FTO: variants seen among roughly 807,000 people sequenced by gnomAD.
FTO encodes the protein alpha-ketoglutarate-dependent dioxygenase FTO.
In FTO, 47 loss-of-function variants were observed where a neutral mutation model predicts 63.9. The ratio of observed to expected loss-of-function variants is 0.74; its 90% CI spans 0.58 to 0.94. The LOEUF (loss-of-function observed/expected upper bound fraction) is 0.94, where lower values mean the gene tolerates loss of function less well. Ranked by LOEUF, FTO falls within the 40% of genes least tolerant of loss-of-function variation. The pLI, the probability that FTO is intolerant of heterozygous loss-of-function variation, is 0.00. For missense variants in FTO, 562 were observed against 618.1 expected, an observed-to-expected ratio of 0.91 and a Z score of 0.96; for synonymous variants, 207 against 224.4, an observed-to-expected ratio of 0.92 and a Z score of 0.69.
chr16:54,073,155 G>A (rs769483628), intron 8 of FTO, among the ~76,000 whole-genome samples: 11 of 152,136 alleles, frequency 7.2e-5, no homozygotes, highest in South Asian at 2.1e-4. Flanking sequence ...GTCCTGTTGC[G>A]TCCCTATTCA....
intron 7 of FTO, among the ~76,000 whole-genome samples, chr16:53,897,020 A>G (rs768944611): frequency 1.3e-5 from 2 of 152,204 alleles, no homozygotes; most frequent in African/African-American, 2.4e-5. Context: ...TTATGGTAAC[A>G]TAACCACCAT....
intron 8 of FTO, among the ~76,000 whole-genome samples, chr16:53,946,069 TGGA>T (rs1357627884): frequency 1.3e-5 from 2 of 152,098 alleles, no homozygotes; most frequent in African/African-American, 4.8e-5. Context: ...GAAGTCATGG[TGGA>T]GGAGGATGGG....
At chr16:54,051,709 C>T (rs2085316615) in intron 8 of FTO, among the ~76,000 whole-genome samples, 1 of 152,140 alleles carries the variant, frequency 6.6e-6, no homozygotes, top group African/African-American at 2.4e-5. Flanking sequence ...TTAAAATCAC[C>T]CTTTATATCA....
chr16:53,781,443 C>G (rs530440305), intron 1 of FTO, among the ~76,000 whole-genome samples: 4 of 152,286 alleles, frequency 2.6e-5, no homozygotes, highest in Admixed American at 2.6e-4. Context: ...AGGCCACAGG[C>G]AAGTTAGGAA....
chr16:53,963,114 G>A (rs1664717395), intron 8 of FTO, among the ~76,000 whole-genome samples: 2 of 152,278 alleles, frequency 1.3e-5, no homozygotes, highest in South Asian at 4.1e-4. Context: ...CTTGTTCCCA[G>A]CGGTCCTTCA....
chr16:54,083,282 C>A (rs886340924), intron 8 of FTO, among the ~76,000 whole-genome samples: 2 of 152,186 alleles, frequency 1.3e-5, no homozygotes, highest in Non-Finnish European at 2.9e-5. Flanking sequence ...CACCTCCCCC[C>A]ATTTTATTAT....
intron 7 of FTO, among the ~76,000 whole-genome samples, chr16:53,930,445 G>A (rs557239977): frequency 2.6e-5 from 4 of 151,760 alleles, no homozygotes; most frequent in Admixed American, 1.3e-4. Context: ...GGATGGTCTC[G>A]ATCTCCTGAT....
At chr16:54,026,681 T>G (rs2084721423) in intron 8 of FTO, among the ~76,000 whole-genome samples, 1 of 152,130 alleles carries the variant, frequency 6.6e-6, no homozygotes, top group African/African-American at 2.4e-5. Flanking sequence ...GCCCTTGATG[T>G]TGGCCAGTAT....
At chr16:53,745,371 A>G (rs1475614431) in intron 1 of FTO, among the ~76,000 whole-genome samples, 1 of 152,202 alleles carries the variant, frequency 6.6e-6, no homozygotes, top group Non-Finnish European at 1.5e-5. Flanking sequence ...ACCTTCTGCA[A>G]TTCTTCTGGG....
intron 8 of FTO, among the ~76,000 whole-genome samples, chr16:53,943,181 T>C (rs2082573112): frequency 6.6e-6 from 1 of 152,200 alleles, no homozygotes; most frequent in Non-Finnish European, 1.5e-5. Context: ...AATTGAAACA[T>C]TGTATAAATT....
At chr16:54,106,914 A>G (rs1194977180) in intron 8 of FTO, among the ~76,000 whole-genome samples, 1 of 141,908 alleles carries the variant, frequency 7.0e-6, no homozygotes, top group Non-Finnish European at 1.5e-5. Context: ...TACACGATAT[A>G]TAATATATTA....
chr16:53,795,503 C>T (rs911011838), intron 1 of FTO, among the ~76,000 whole-genome samples: 4 of 151,994 alleles, frequency 2.6e-5, no homozygotes, highest in African/African-American at 7.3e-5. Context: ...CAGATTCTCG[C>T]GATGTTGCCC....
Position 53,826,012 on chromosome 16 carries a change from T to C in FTO, c.272T>C (p.Leu91Pro). 2.5e-6 allele frequency: 4 copies of C among 1,614,176 alleles called. No homozygotes were observed. Among genetic ancestry groups the C allele is most frequent in the Non-Finnish European group, 2.5e-6 (3 of 1,180,038 alleles). The stretch of plus-strand genomic sequence containing the variant: ...GTTAGGATCCAAGGCAAAGATCTGC[T>C]CACTCCGGTATCTCGCATCCTCATT... ...DLVRIQGKDL[L>P]TPVSRILIGN... Residue 91 changes from leucine (L) to proline (P), a missense_variant, in exon 3 of 9, where the codon CTC becomes CCC. Transcript: ENST00000471389.
intron 1 of FTO, among the ~76,000 whole-genome samples, chr16:53,770,770 G>A (rs2077314490): frequency 1.3e-5 from 2 of 152,098 alleles, no homozygotes; most frequent in Admixed American, 1.3e-4. Flanking sequence ...GAGAAGAAAA[G>A]TGCCCTATTT....
At chr16:53,758,543 A>G (rs1303321839) in intron 1 of FTO, among the ~76,000 whole-genome samples, 2 of 152,176 alleles carry the variant, frequency 1.3e-5, no homozygotes, top group African/African-American at 2.4e-5. Flanking sequence ...GGTTTCCATC[A>G]TATCGCTCTG....
chr16:53,801,806 C>G lies in FTO; in HGVS notation c.46-8334C>G, dbSNP rs146440659. Among the ~76,000 whole-genome samples the G allele has an allele frequency of 7.4e-3, 1,116 of 151,784 alleles. 14 individuals are homozygous for G. The highest frequency in any genetic ancestry group is 0.025 in the African/African-American group (1,028 of 41,346). On this transcript the variant is annotated intron_variant, in intron 1 of 8. Coordinates refer to ENST00000471389, the MANE Select transcript of FTO (RefSeq NM_001080432.3). ...ACAGAGTCTGACTCAGTCACCCAGGCTGGAGTGCAGTGGTGTGAACTCGGC... is the reference window on the plus strand; with the variant it reads ...ACAGAGTCTGACTCAGTCACCCAGGGTGGAGTGCAGTGGTGTGAACTCGGC...
rs554442627 is a variant in FTO at position 53,928,807 on chromosome 16, G to A, written c.1240-5178G>A. Among the ~76,000 whole-genome samples, 12 of 151,970 alleles carry A rather than the reference G, an allele frequency of 7.9e-5. No individual in the cohort carries two copies. The South Asian group carries it at 2.5e-3, about 32-fold the overall frequency. ...ATACAATAAAATTGGCCTTATTTTG[G>A]TATACAACCCTATAGGTTTTTTATG... On this transcript the variant is annotated intron_variant, in intron 7 of 8. Transcript: ENST00000471389.
intron 8 of FTO, among the ~76,000 whole-genome samples, chr16:54,056,528 A>G (rs1031986072): frequency 2.6e-5 from 4 of 152,228 alleles, no homozygotes; most frequent in Non-Finnish European, 5.9e-5. Context: ...GGAATAAACT[A>G]GGTTACAAAA....
At chr16:54,007,147 A>G (rs1334898739) in intron 8 of FTO, among the ~76,000 whole-genome samples, 1 of 152,226 alleles carries the variant, frequency 6.6e-6, no homozygotes. Flanking sequence ...CGAGGTGTAC[A>G]TACGTGAAAA....
Sources: allele counts gnomAD v4.1 joint callset (sites outside exome capture counted in the v4.1 genomes callset), GRCh38; gene constraint gnomAD v4.1.1; transcripts MANE v1.5; gene names NCBI Gene and HGNC (gene_info 2026-07-23, HGNC 2026-07-21).